Variants in PDGFA observed in about 807,000 individuals in gnomAD.
PDGFA encodes platelet derived growth factor subunit A, also known as platelet-derived growth factor subunit A.
A neutral mutation model predicts 25.6 loss-of-function variants in PDGFA; 9 were observed. The observed-to-expected ratio is 0.35, with a 90% CI of 0.21 to 0.61. The LOEUF (loss-of-function observed/expected upper bound fraction) is 0.61. Among genes scored for constraint, PDGFA ranks in the 20% least tolerant of loss-of-function variants. PDGFA has a pLI of 0.75. For missense variants in PDGFA, 242 were observed against 272.8 expected (o/e 0.89, Z 0.79); for synonymous variants, 133 against 111.8 (o/e 1.19, Z -1.20).
intron 4 of PDGFA, among the ~76,000 whole-genome samples, chr7:502,468 G>C (rs1782385011): frequency 6.7e-6 from 1 of 148,950 alleles, no homozygotes; most frequent in Non-Finnish European, 1.5e-5. Context: ...CGGAAACCAG[G>C]GCCAGGGATC....
At chr7:510,705 TGGGGAGGGGAGGGGA>T in intron 4 of PDGFA, 89 bp downstream of exon 4, 11 of 328,778 alleles carry the variant, frequency 3.3e-5, no homozygotes, top group South Asian at 2.5e-4. Context: ...CGGGCTTGGG[TGGGGAGGGGAGGGGA>T]GGGGAGAGGA....
exon 3 of PDGFA, chr7:512,452 C>T (rs747878463): frequency 1.9e-6 from 3 of 1,613,658 alleles, no homozygotes; most frequent in African/African-American, 1.3e-5. Context: ...AGAATCCTCA[C>T]TCCCTGCAGG....
intron 3 of PDGFA, 101 bp downstream of exon 3, chr7:512,250 G>C (rs1782884626): frequency 9.0e-7 from 1 of 1,113,018 alleles, no homozygotes; most frequent in Non-Finnish European, 1.3e-6. Context: ...CGCTGGGAGA[G>C]CGGGCAGCTC....
chr7:518,903 G>A, intron 1 of PDGFA, 36 bp downstream of exon 1: 2 of 1,432,340 alleles, frequency 1.4e-6, no homozygotes, highest in African/African-American at 1.5e-5. Context: ...CGCCGGAGGA[G>A]CCGGCGCAGG....
exon 6 of PDGFA, chr7:498,370 T>C: frequency 1.8e-6 from 1 of 555,640 alleles, no homozygotes; most frequent in South Asian, 2.6e-5. Flanking sequence ...CTTCACCGAG[T>C]GCTACAATAC....
upstream of PDGFA, chr7:519,470 G>A (rs62433352): frequency 0.67 from 102,987 of 154,314 alleles, 34,992 homozygotes; most frequent in Middle Eastern, 0.72. Flanking sequence ...CACCTGCCTG[G>A]ACGCCTGGCC....
intron 3 of PDGFA, among the ~76,000 whole-genome samples, chr7:511,575 A>G (rs1198982015): frequency 6.6e-6 from 1 of 152,162 alleles, no homozygotes; most frequent in Non-Finnish European, 1.5e-5. Flanking sequence ...CCAGCCACAC[A>G]TGACACTTTA....
chr7:499,265 C>A (rs1374945529), intron 5 of PDGFA, among the ~76,000 whole-genome samples: 1 of 152,250 alleles, frequency 6.6e-6, no homozygotes, highest in Non-Finnish European at 1.5e-5. Flanking sequence ...CCAAGGCTGA[C>A]CAACAGTCCT....
chr7:503,390 G>T lies in PDGFA; in HGVS notation c.454-2148C>A, dbSNP rs183191582. Among the ~76,000 whole-genome samples the T allele has an allele frequency of 3.9e-5, 6 of 152,298 alleles. No homozygotes were observed. In the East Asian group the frequency reaches 1.2e-3, roughly 29 times the overall value. On this transcript the variant is annotated intron_variant, in intron 4 of 5. Transcript: ENST00000402802. The stretch of plus-strand genomic sequence containing the variant: ...TCATGGGGAAACTGAGGCTAGAAAG[G>T]AAACGGAGGCCGGGTCACCCCCTGA...
intron 1 of PDGFA, among the ~76,000 whole-genome samples, chr7:518,062 G>A (rs974420779): frequency 5.3e-5 from 8 of 151,992 alleles, no homozygotes; most frequent in African/African-American, 1.7e-4. Context: ...GCCCCACCCC[G>A]GGCTCCGGCC....
At chr7:501,494 T>C (rs1782338944) in intron 4 of PDGFA, among the ~76,000 whole-genome samples, 1 of 152,218 alleles carries the variant, frequency 6.6e-6, no homozygotes, top group African/African-American at 2.4e-5. Flanking sequence ...AGGCCAATCA[T>C]AGCCTCTGCA....
intron 2 of PDGFA, among the ~76,000 whole-genome samples, chr7:515,800 C>T (rs1783061746): frequency 6.6e-6 from 1 of 152,106 alleles, no homozygotes; most frequent in African/African-American, 2.4e-5. Flanking sequence ...CCTAGAAGCC[C>T]CCGGGTGAGG....
intron 4 of PDGFA, among the ~76,000 whole-genome samples, chr7:507,505 A>G (rs1176076820): frequency 6.6e-6 from 1 of 152,208 alleles, no homozygotes; most frequent in African/African-American, 2.4e-5. Flanking sequence ...GGGGAGGGAG[A>G]GAACACTGCC....
intron 2 of PDGFA, among the ~76,000 whole-genome samples, chr7:516,887 C>A (rs1004729098): frequency 1.4e-4 from 22 of 152,166 alleles, no homozygotes; most frequent in African/African-American, 4.6e-4. Flanking sequence ...AGAGGCCCAG[C>A]CCTGCGGCAA....
exon 3 of PDGFA, chr7:512,354 T>C (rs1197608150): frequency 6.2e-7 from 1 of 1,612,662 alleles, no homozygotes; most frequent in Admixed American, 1.7e-5. Context: ...GACTCACCGA[T>C]GCTTCTCTTC....
rs763669703 is a variant in PDGFA, at chr7:500,543, C to T, written c.580+573G>A. ...GGCGGTGAGTGGGCCGAGGGACGGCCGTCGGGGTGAAGAACTGAAGCAACA... is the reference window on the plus strand; with the variant it reads ...GGCGGTGAGTGGGCCGAGGGACGGCTGTCGGGGTGAAGAACTGAAGCAACA... On this transcript the variant is annotated intron_variant, in intron 5 of 5. Transcript: ENST00000402802. This position sits in a 1 kb window ranked among gnomAD's most constrained non-coding sequence, Gnocchi z 5.0. 18 of 1,613,214 alleles carry T rather than the reference C, an allele frequency of 1.1e-5. No individual in the cohort carries two copies. The Admixed American group carries it at 1.7e-4, about 15-fold the overall frequency.
intron 4 of PDGFA, among the ~76,000 whole-genome samples, chr7:505,248 C>A (rs945498713): frequency 6.6e-6 from 1 of 152,214 alleles, no homozygotes; most frequent in African/African-American, 2.4e-5. Context: ...AGCCGAAGCC[C>A]AAGTGATGGG....
chr7:505,036 C>T (rs759913174), intron 4 of PDGFA, among the ~76,000 whole-genome samples: 18 of 152,244 alleles, frequency 1.2e-4, no homozygotes, highest in Non-Finnish European at 2.6e-4. Context: ...GCGATGATTG[C>T]ACCTGTTTCT....
At chr7:497,591 C>T (rs1211882089) in exon 6 of PDGFA, 5 of 152,202 alleles carry the variant, frequency 3.3e-5, no homozygotes, top group Non-Finnish European at 5.9e-5. Flanking sequence ...AACAAGTTGT[C>T]ACTCAGCCAC....
Sources: gnomAD v4.1 joint callset for allele counts (sites outside exome capture counted in the v4.1 genomes callset) on GRCh38, gnomAD v4.1.1 for gene constraint, Gnocchi (gnomAD v3.1) non-coding constraint, MANE v1.5 for transcripts, NCBI Gene and HGNC (gene_info 2026-07-23, HGNC 2026-07-21) for gene names.